Variants in ZMYND8 observed in about 807,000 individuals in gnomAD.
ZMYND8 encodes the protein MYND-type zinc finger-containing chromatin reader ZMYND8.
ZMYND8 carries 37 observed loss-of-function variants against 140.8 expected under a neutral mutation model. The ratio of observed to expected loss-of-function variants is 0.26; its 90% CI spans 0.20 to 0.35. ZMYND8 has a LOEUF of 0.35. Ranked by LOEUF, ZMYND8 falls within the 10% of genes least tolerant of loss-of-function variation. ZMYND8 has a pLI of 1.00. For missense variants in ZMYND8, 1,068 were observed against 1,570.0 expected (o/e 0.68, Z 5.40); for synonymous variants, 592 against 597.1 (o/e 0.99, Z 0.12).
intron 2 of ZMYND8, among the ~76,000 whole-genome samples, chr20:47,313,241 T>C (rs190047850): frequency 0.018 from 2,610 of 146,072 alleles, 60 homozygotes; most frequent in African/African-American, 0.062. Context: ...AAAAAAAAAA[T>C]TTAATTATAA....
chr20:47,232,354 G>T (rs971217699), intron 16 of ZMYND8, among the ~76,000 whole-genome samples: 1 of 148,278 alleles, frequency 6.7e-6, no homozygotes, highest in Non-Finnish European at 1.5e-5. Context: ...AGCTAAGAGT[G>T]AGACCTTGTC....
chr20:47,264,863 C>T (rs948477597), intron 11 of ZMYND8, among the ~76,000 whole-genome samples: 2 of 151,784 alleles, frequency 1.3e-5, no homozygotes, highest in African/African-American at 4.8e-5. Flanking sequence ...GGCGAAGCCT[C>T]ATCTCTACTA....
At chr20:47,351,674 G>A in intron 1 of ZMYND8, 1 of 985,066 alleles carries the variant, frequency 1.0e-6, no homozygotes, top group Non-Finnish European at 1.2e-6. Flanking sequence ...GGGTGGGGGG[G>A]AATGGTTAGC....
chr20:47,220,158 A>C, intron 21 of ZMYND8, 100 bp downstream of exon 21: 1 of 1,133,348 alleles, frequency 8.8e-7, no homozygotes, highest in Non-Finnish European at 1.3e-6. Context: ...TCGTTTGGAA[A>C]CCATTGGAAT....
chr20:47,301,349 T>A (rs749032840), intron 3 of ZMYND8, among the ~76,000 whole-genome samples: 1 of 151,948 alleles, frequency 6.6e-6, no homozygotes, highest in Non-Finnish European at 1.5e-5. Context: ...AGAGACAGGA[T>A]TTCACCATGT....
Position 47,310,138 on chromosome 20 carries a change from C to G in ZMYND8, c.152G>C (p.Gly51Ala). ...KFPSPPHSSNGHSPQDTSTSP... is the reference protein window; with the variant it reads ...KFPSPPHSSNAHSPQDTSTSP... ...TGTTGATGTGTCCTGCGGCGAGTGG[C>G]CATTGGAAGAATGTGGAGGGCTGGG... The change falls in exon 3 of 23, where the codon GGC becomes GCC. Residue 51 changes from glycine to alanine, a missense_variant. Coordinates refer to ENST00000471951, the MANE Select transcript of ZMYND8 (RefSeq NM_001281775.3). 6 of 1,613,670 alleles carry G rather than the reference C, an allele frequency of 3.7e-6. No homozygotes were observed. The South Asian group carries it at 6.6e-5, about 18-fold the overall frequency.
At chr20:47,307,326 T>C (rs1262908077) in intron 3 of ZMYND8, among the ~76,000 whole-genome samples, 3 of 148,952 alleles carry the variant, frequency 2.0e-5, no homozygotes, top group African/African-American at 7.4e-5. Context: ...GGTGTGGTGG[T>C]GCATGCCTGT....
chr20:47,331,401 C>T (rs1355697543), intron 2 of ZMYND8, among the ~76,000 whole-genome samples: 1 of 152,116 alleles, frequency 6.6e-6, no homozygotes, highest in African/African-American at 2.4e-5. Flanking sequence ...GGAATGAGTC[C>T]ATATCTCTGG....
chr20:47,325,681 G>A (rs1228219602), intron 2 of ZMYND8, among the ~76,000 whole-genome samples: 1 of 152,156 alleles, frequency 6.6e-6, no homozygotes, highest in African/African-American at 2.4e-5. Flanking sequence ...AATGGGATGG[G>A]GCCATTCAGC....
rs754029086 is a variant in ZMYND8 at position 47,221,486 on chromosome 20, GGA to G, written c.3257-14_3257-13del. On this transcript the variant is annotated splice_polypyrimidine_tract_variant and intron_variant, in intron 19 of 22. Coordinates refer to ENST00000471951, the MANE Select transcript of ZMYND8 (RefSeq NM_001281775.3). Reference sequence around the variant, plus strand: ...CTGAGGAGCAGTAGCTGGGGACAAAGGAGAGAGAGAGACGCCACATATACACA... The same window carrying G: ...CTGAGGAGCAGTAGCTGGGGACAAAGGAGAGAGAGACGCCACATATACACA... The G allele has an allele frequency of 1.5e-5, 24 of 1,612,346 alleles. No homozygotes were observed. The highest frequency in any genetic ancestry group is 1.2e-4 in the Admixed American group (7 of 59,884).
intron 9 of ZMYND8, among the ~76,000 whole-genome samples, chr20:47,283,352 C>T (rs1009944506): frequency 6.6e-6 from 1 of 152,128 alleles, no homozygotes; most frequent in Non-Finnish European, 1.5e-5. Context: ...CTAATCAACC[C>T]AGGAAGCCAT....
intron 2 of ZMYND8, chr20:47,318,561 C>T (rs2079604387): frequency 1.9e-5 from 7 of 367,120 alleles, no homozygotes; most frequent in South Asian, 1.0e-4. Context: ...AAATTGTCCT[C>T]GCAGCAGAGA....
chr20:47,301,855 C>T (rs1269861267), intron 3 of ZMYND8, among the ~76,000 whole-genome samples: 2 of 152,140 alleles, frequency 1.3e-5, no homozygotes, highest in East Asian at 1.9e-4. Flanking sequence ...CCCCATGTGT[C>T]ATGGGAGGGA....
intron 2 of ZMYND8, among the ~76,000 whole-genome samples, chr20:47,315,493 C>T (rs1443140924): frequency 1.3e-5 from 2 of 152,046 alleles, no homozygotes; most frequent in East Asian, 3.9e-4. Context: ...CGGTATCCTT[C>T]GGAGGGATGA....
At chr20:47,322,718 T>C (rs1200351650) in intron 2 of ZMYND8, among the ~76,000 whole-genome samples, 1 of 152,130 alleles carries the variant, frequency 6.6e-6, no homozygotes, top group East Asian at 1.9e-4. Context: ...CAGGATGGTA[T>C]TTCTGTACCC....
intron 21 of ZMYND8, among the ~76,000 whole-genome samples, chr20:47,216,495 C>CCAAAAAA (rs1491476122): frequency 4.4e-4 from 26 of 59,454 alleles, no homozygotes; most frequent in African/African-American, 1.3e-3. Context: ...GACTCTGTCT[C>CCAAAAAA]AAAAAAAAAA....
chr20:47,218,349 C>T (rs796574911), intron 21 of ZMYND8, among the ~76,000 whole-genome samples: 9 of 152,326 alleles, frequency 5.9e-5, no homozygotes, highest in African/African-American at 2.2e-4. Context: ...CTGTCTGAAA[C>T]GGTGTTTCCC....
intron 2 of ZMYND8, chr20:47,319,612 C>A (rs186424988): frequency 6.5e-6 from 1 of 154,236 alleles, no homozygotes; most frequent in Non-Finnish European, 1.4e-5. Flanking sequence ...CTTCCAAACT[C>A]GCCTGGCAGG....
chr20:47,325,096 G>C (rs2080304036), intron 2 of ZMYND8, among the ~76,000 whole-genome samples: 1 of 151,990 alleles, frequency 6.6e-6, no homozygotes, highest in Admixed American at 6.6e-5. Flanking sequence ...GTAGAGACGG[G>C]GTTTCACCAT....
Sources: allele counts gnomAD v4.1 joint callset (sites outside exome capture counted in the v4.1 genomes callset), GRCh38; gene constraint gnomAD v4.1.1; transcripts MANE v1.5; gene names NCBI Gene and HGNC (gene_info 2026-07-23, HGNC 2026-07-21).